TMPRSS2: variants seen among roughly 807,000 people sequenced by gnomAD.
TMPRSS2 encodes the protein transmembrane serine protease 2.
A neutral mutation model predicts 67.4 loss-of-function variants in TMPRSS2; 59 were observed. The observed-to-expected ratio is 0.88, with a 90% confidence interval of 0.71 to 1.09. The LOEUF (loss-of-function observed/expected upper bound fraction) is 1.09. Among genes scored for constraint, TMPRSS2 ranks in the 50% least tolerant of loss-of-function variants. The pLI is 0.00. For synonymous variants in TMPRSS2, 257 were observed against 257.0 expected (o/e 1.00, Z 0.00); for missense variants, 668 against 642.7 (o/e 1.04, Z -0.43).
In TMPRSS2 at chr21:41,478,860, C is replaced by A. The variant is rs1366830322; in HGVS notation, c.683+312G>T. On this transcript the variant is annotated intron_variant, in intron 7 of 13. Transcript: ENST00000332149. This position sits in a 1 kb window ranked among gnomAD's most constrained non-coding sequence, Gnocchi z 4.0. ...CCACGCCCTGACAAAATAGGTACAC[C>A]TCTAAATGTCTGAAGAGGAAAGAAA... Among the ~76,000 whole-genome samples the A allele has an allele frequency of 1.3e-5, 2 of 152,310 alleles. No homozygotes were observed. Among genetic ancestry groups the A allele is most frequent in the African/African-American group, 4.8e-5 (2 of 41,568 alleles).
rs1351687134 is a variant in TMPRSS2 at position 41,470,699 on chromosome 21, G to A, written c.1120C>T (p.Gln374Ter). ...GAAATCCAGCAGAGCTGTTCTGGCT[G>A]CAGCATCATGCCTGGGTTGGGCAGA... ...VCLPNPGMML[Q>*]PEQLCWISGW... Residue 374 changes from glutamine (Q) to a stop codon, truncating the protein, a stop_gained, in exon 11 of 14, where the codon CAG (glutamine) becomes TAG (stop). Coordinates refer to ENST00000332149, the MANE Select transcript of TMPRSS2 (RefSeq NM_005656.4). LOFTEE classifies it high-confidence loss of function. The A allele has an allele frequency of 6.2e-7, 1 of 1,613,668 alleles. No homozygotes were observed. Among genetic ancestry groups the A allele is most frequent in the Non-Finnish European group, 8.5e-7 (1 of 1,179,982 alleles).
chr21:41,493,398 C>G (rs1463759371), intron 3 of TMPRSS2, among the ~76,000 whole-genome samples: 1 of 151,912 alleles, frequency 6.6e-6, no homozygotes, highest in East Asian at 1.9e-4. Flanking sequence ...GCAGGAGCGG[C>G]AGCACTTGTC....
At chr21:41,466,604 A>G (rs967469614) in intron 13 of TMPRSS2, among the ~76,000 whole-genome samples, 1 of 151,912 alleles carries the variant, frequency 6.6e-6, no homozygotes, top group Non-Finnish European at 1.5e-5. Context: ...TGTTTCTAGC[A>G]CTGGGCCCTG....
chr21:41,491,331 T>C (rs2091334513), intron 3 of TMPRSS2, among the ~76,000 whole-genome samples: 1 of 151,776 alleles, frequency 6.6e-6, no homozygotes, highest in African/African-American at 2.4e-5. Context: ...CCATTTTTGG[T>C]AGATGAGGTT....
intron 9 of TMPRSS2, 141 bp from the exon 10 acceptor site, chr21:41,472,122 A>G: frequency 2.7e-6 from 2 of 748,468 alleles, no homozygotes; most frequent in Non-Finnish European, 2.0e-6. Flanking sequence ...ATAGTGGAAG[A>G]GGTGCTCGGT....
In TMPRSS2 at chr21:41,467,874, C is replaced by G. The variant is rs1159131246; in HGVS notation, c.1327G>C (p.Gly443Arg). ...TTGTTCTTCGAAGTGACCAGAGGCCCTCCACTGTCACCCTGTGGGACACAG... is the reference window on the plus strand; with the variant it reads ...TTGTTCTTCGAAGTGACCAGAGGCCGTCCACTGTCACCCTGTGGGACACAG... ...NVDSCQGDSGGPLVTSKNNIW... is the reference protein window; with the variant it reads ...NVDSCQGDSGRPLVTSKNNIW... The change falls in exon 13 of 14, where the codon GGG (glycine) becomes CGG (arginine). Residue 443 changes from glycine to arginine, a missense_variant. Physicochemically the swap from Gly to Arg is moderately radical, Grantham distance 125 (BLOSUM62 -2). Coordinates refer to ENST00000332149, the MANE Select transcript of TMPRSS2 (RefSeq NM_005656.4). 1 of 1,614,216 alleles carries G rather than the reference C, an allele frequency of 6.2e-7. No homozygotes were observed. The highest frequency in any genetic ancestry group is 1.7e-5 in the Admixed American group (1 of 60,036).
intron 5 of TMPRSS2, among the ~76,000 whole-genome samples, chr21:41,483,842 C>G (rs2091276269): frequency 6.8e-6 from 1 of 147,546 alleles, no homozygotes; most frequent in African/African-American, 2.5e-5. Flanking sequence ...AAAAATTTTA[C>G]ATGTAGGCCT....
At chr21:41,498,246 T>C in intron 1 of TMPRSS2, 57 bp from the exon 2 acceptor site, 1 of 1,212,710 alleles carries the variant, frequency 8.2e-7, no homozygotes, top group Non-Finnish European at 1.2e-6. Flanking sequence ...TTTTAGAAGA[T>C]AAATCTGGAA....
Position 41,480,488 on chromosome 21 carries a change from T to G in TMPRSS2, c.560A>C (p.Asp187Ala). 6.2e-7 allele frequency: 1 copy of G among 1,613,610 alleles called. No individual in the cohort carries two copies. The highest frequency in any genetic ancestry group is 8.5e-7 in the Non-Finnish European group (1 of 1,180,020). The stretch of plus-strand genomic sequence containing the variant: ...GCCCCATACTCACTTATAGCCCATG[T>G]CCCTGCAGGCCGCCCGCCCGTAGTT... Reference protein sequence around the residue: ...NENYGRAACRDMGYKNNFYSS... With the variant: ...NENYGRAACRAMGYKNNFYSS... Residue 187 changes from aspartate (D) to alanine (A), a missense_variant, in exon 6 of 14, where the codon GAC becomes GCC. Coordinates refer to ENST00000332149, the MANE Select transcript of TMPRSS2 (RefSeq NM_005656.4).
intron 1 of TMPRSS2, among the ~76,000 whole-genome samples, chr21:41,503,393 G>A (rs896608224): frequency 2.0e-5 from 3 of 152,206 alleles, no homozygotes; most frequent in Non-Finnish European, 4.4e-5. Flanking sequence ...TGTAAAATGG[G>A]GATGATACAG....
rs2091073414 is a variant in TMPRSS2 at position 41,465,022 on chromosome 21, A to G, written c.*1120T>C. ...CCACAGAGAGTCCAAAACAAAACAC[A>G]TCTTTCTCTTCTTCGCCGCCACCAT... On this transcript the variant is annotated 3_prime_UTR_variant, in exon 14 of 14. Coordinates refer to ENST00000332149, the MANE Select transcript of TMPRSS2 (RefSeq NM_005656.4). The G allele has an allele frequency of 4.3e-6, 1 of 233,172 alleles. No homozygotes were observed. The highest frequency in any genetic ancestry group is 2.2e-5 in the African/African-American group (1 of 45,328). 14.4% of individuals were successfully genotyped at this position (233,172 alleles called of 1,614,324 possible). A position where few individuals can be genotyped will look rare whatever the true frequency, so the allele number is the denominator to read the frequency against.
chr21:41,466,120 T>G lies in TMPRSS2; in HGVS notation c.*22A>C. On this transcript the variant is annotated 3_prime_UTR_variant, in exon 14 of 14. Transcript: ENST00000332149. ...CCCATTGTTTTCTTGTAAAACGACGTCAAGGACGAAGACCATGTGGATTAG... is the reference window on the plus strand; with the variant it reads ...CCCATTGTTTTCTTGTAAAACGACGGCAAGGACGAAGACCATGTGGATTAG... 3 of 1,613,758 alleles carry G rather than the reference T, an allele frequency of 1.9e-6. No homozygotes were observed. Among genetic ancestry groups the G allele is most frequent in the Non-Finnish European group, 2.5e-6 (3 of 1,179,924 alleles).
At chr21:41,475,918 C>T (rs1377007169) in intron 8 of TMPRSS2, among the ~76,000 whole-genome samples, 2 of 151,890 alleles carry the variant, frequency 1.3e-5, no homozygotes, top group South Asian at 2.1e-4. Context: ...CGGGATGGGA[C>T]GGTGTCAGCT....
At chr21:41,467,351 T>G (rs371583992) in intron 13 of TMPRSS2, among the ~76,000 whole-genome samples, 10 of 149,392 alleles carry the variant, frequency 6.7e-5, no homozygotes, top group African/African-American at 2.5e-4. Flanking sequence ...ATTGTGCCAC[T>G]GCACTCCAGC....
intron 1 of TMPRSS2, among the ~76,000 whole-genome samples, chr21:41,498,697 A>G (rs2091403428): frequency 6.6e-6 from 1 of 152,220 alleles, no homozygotes; most frequent in Admixed American, 6.5e-5. Context: ...AAGAAACACG[A>G]CAAGGTAACT....
intron 3 of TMPRSS2, among the ~76,000 whole-genome samples, chr21:41,493,725 C>G (rs562587205): frequency 6.6e-6 from 1 of 152,136 alleles, no homozygotes; most frequent in African/African-American, 2.4e-5. Flanking sequence ...TGAGACCAAA[C>G]GAAATGGCAA....
intron 1 of TMPRSS2, among the ~76,000 whole-genome samples, chr21:41,499,618 A>ATT (rs34205539): frequency 6.6e-6 from 1 of 151,758 alleles, no homozygotes; most frequent in Non-Finnish European, 1.5e-5. Flanking sequence ...TCTCTTTGTG[A>ATT]TTTTTCCACC....
At position 41,488,387 on chromosome 21, in the gene TMPRSS2, G is replaced by T; in HGVS notation, c.445+7C>A. ...GGAGTCCCTTCCCAAGGTCAAGGCT[G>T]ACTCACCACACCGATTCTCGTCCTC... On this transcript the variant is annotated splice_region_variant and intron_variant, in intron 5 of 13. Transcript: ENST00000332149. 1.2e-6 allele frequency: 2 copies of T among 1,610,656 alleles called. No individual in the cohort carries two copies. Among genetic ancestry groups the T allele is most frequent in the South Asian group, 2.2e-5 (2 of 90,920 alleles).
At chr21:41,507,105 G>C (rs1291132543) in intron 1 of TMPRSS2, among the ~76,000 whole-genome samples, 1 of 152,226 alleles carries the variant, frequency 6.6e-6, no homozygotes, top group Non-Finnish European at 1.5e-5. Context: ...ACGGCGGAGC[G>C]GGCGAAGGCC....
Sources: gnomAD v4.1 joint callset for allele counts (sites outside exome capture counted in the v4.1 genomes callset) on GRCh38, gnomAD v4.1.1 for gene constraint, Gnocchi (gnomAD v3.1) non-coding constraint, MANE v1.5 for transcripts, NCBI Gene and HGNC (gene_info 2026-07-23, HGNC 2026-07-21) for gene names.